The following PCDHA13 variants were observed in gnomAD, a reference collection of about 807,000 sequenced individuals.
PCDHA13 encodes protocadherin alpha-13.
In PCDHA13, 54 loss-of-function variants were observed where a neutral mutation model predicts 64.8. That is an observed-to-expected ratio of 0.83 (90% confidence interval 0.67 to 1.04). The LOEUF (loss-of-function observed/expected upper bound fraction) is 1.04. Ranked by LOEUF, PCDHA13 falls within the 50% of genes least tolerant of loss-of-function variation. The probability of loss-of-function intolerance (pLI) is 0.00; values close to 1 mark genes in which losing one functional copy is unlikely to be tolerated. For synonymous variants in PCDHA13, 587 were observed against 564.4 expected, an observed-to-expected ratio of 1.04 and a Z score of -0.57; for missense variants, 1,248 against 1,254.3, an observed-to-expected ratio of 0.99 and a Z score of 0.08.
chr5:140,917,039 A>G (rs1279228933), intron 1 of PCDHA13, among the ~76,000 whole-genome samples: 1 of 152,132 alleles, frequency 6.6e-6, no homozygotes, highest in African/African-American at 2.4e-5. Flanking sequence ...TGAGTCCAGC[A>G]CAGTGTTGTT....
chr5:140,988,751 T>C (rs1433769306), intron 3 of PCDHA13, among the ~76,000 whole-genome samples: 2 of 152,198 alleles, frequency 1.3e-5, no homozygotes, highest in Non-Finnish European at 2.9e-5. Flanking sequence ...ATTGGTGGCC[T>C]GGGCAGAATA....
intron 1 of PCDHA13, among the ~76,000 whole-genome samples, chr5:140,946,338 A>T (rs1042874038): frequency 6.6e-6 from 1 of 151,824 alleles, no homozygotes; most frequent in Non-Finnish European, 1.5e-5. Flanking sequence ...ATAACAAGTG[A>T]TGGAGAGGAT....
chr5:140,909,575 G>A (rs114329297), intron 1 of PCDHA13, among the ~76,000 whole-genome samples: 373 of 152,290 alleles, frequency 2.4e-3, no homozygotes, highest in African/African-American at 8.5e-3. Context: ...CCAGAGATGT[G>A]ATATGTTTTT....
intron 1 of PCDHA13, among the ~76,000 whole-genome samples, chr5:140,897,322 A>C (rs1407696399): frequency 7.4e-6 from 1 of 134,448 alleles, no homozygotes; most frequent in Non-Finnish European, 1.6e-5. Context: ...TCCTAAAGCT[A>C]TCCCTCCCCC....
intron 1 of PCDHA13, among the ~76,000 whole-genome samples, chr5:140,964,473 T>C (rs1457345251): frequency 6.6e-6 from 1 of 152,068 alleles, no homozygotes; most frequent in Non-Finnish European, 1.5e-5. Flanking sequence ...TGCCTATGAT[T>C]TTTTCACAGT....
At chr5:140,904,949 T>A (rs2071498656) in intron 1 of PCDHA13, among the ~76,000 whole-genome samples, 1 of 152,228 alleles carries the variant, frequency 6.6e-6, no homozygotes, top group South Asian at 2.1e-4. Flanking sequence ...TAGTCCTTTG[T>A]CTGATGCAGA....
chr5:140,913,670 A>G (rs2076427033), intron 1 of PCDHA13, among the ~76,000 whole-genome samples: 1 of 152,090 alleles, frequency 6.6e-6, no homozygotes, highest in Non-Finnish European at 1.5e-5. Flanking sequence ...TAGTTAGGTT[A>G]TTTAAAATGA....
At chr5:140,968,494 C>T in intron 1 of PCDHA13, 1 of 1,614,096 alleles carries the variant, frequency 6.2e-7, no homozygotes, top group Non-Finnish European at 8.5e-7. Flanking sequence ...ATGACCATGC[C>T]CCTCACATTC....
intron 1 of PCDHA13, among the ~76,000 whole-genome samples, chr5:140,954,134 A>G (rs1443838127): frequency 6.6e-6 from 1 of 152,194 alleles, no homozygotes; most frequent in Non-Finnish European, 1.5e-5. Flanking sequence ...TTATGGATGC[A>G]TAGTATTCCA....
At chr5:140,941,214 C>CCTTTCTTTCTTCCTTTCTTT (rs2092876516) in intron 1 of PCDHA13, among the ~76,000 whole-genome samples, 18 of 122,412 alleles carry the variant, frequency 1.5e-4, no homozygotes, top group Non-Finnish European at 2.9e-4. Context: ...TTTCTTTCTT[C>CCTTTCTTTCTTCCTTTCTTT]CTTTCTTTCT....
intron 1 of PCDHA13, among the ~76,000 whole-genome samples, chr5:140,910,488 A>G (rs1195141583): frequency 2.0e-5 from 3 of 152,232 alleles, no homozygotes; most frequent in African/African-American, 7.2e-5. Flanking sequence ...CATACAGAGA[A>G]GAGCAATCAC....
chr5:140,898,079 C>G (rs1179252797), intron 1 of PCDHA13, among the ~76,000 whole-genome samples: 2 of 151,984 alleles, frequency 1.3e-5, no homozygotes, highest in East Asian at 1.9e-4. Context: ...ATTGTAGATT[C>G]TGGATATTAG....
At chr5:140,946,219 G>A (rs2093905754) in intron 1 of PCDHA13, among the ~76,000 whole-genome samples, 1 of 151,856 alleles carries the variant, frequency 6.6e-6, no homozygotes, top group Non-Finnish European at 1.5e-5. Context: ...TGACCAACAG[G>A]TATACTAAAA....
At chr5:140,889,159 A>G (rs1392016642) in intron 1 of PCDHA13, among the ~76,000 whole-genome samples, 1 of 151,652 alleles carries the variant, frequency 6.6e-6, no homozygotes, top group Non-Finnish European at 1.5e-5. Context: ...CTTCTTTGTT[A>G]AGTATTCAAG....
At chr5:140,919,674 G>C (rs1554199207) in intron 1 of PCDHA13, among the ~76,000 whole-genome samples, 1 of 151,886 alleles carries the variant, frequency 6.6e-6, no homozygotes, top group Non-Finnish European at 1.5e-5. Context: ...TTAGCTTATT[G>C]GTATCTGCTT....
intron 1 of PCDHA13, among the ~76,000 whole-genome samples, chr5:140,906,844 G>C (rs1295549477): frequency 6.6e-6 from 1 of 152,192 alleles, no homozygotes; most frequent in Non-Finnish European, 1.5e-5. Context: ...TTCATCTTGA[G>C]AGTCTGGGTC....
intron 1 of PCDHA13, among the ~76,000 whole-genome samples, chr5:140,922,795 G>C (rs1393016233): frequency 7.9e-5 from 12 of 152,152 alleles, no homozygotes; most frequent in African/African-American, 2.9e-4. Context: ...TGTAGCTTTG[G>C]AATACAGAAA....
intron 1 of PCDHA13, among the ~76,000 whole-genome samples, chr5:140,941,247 CTTTCTTTCTCTT>C (rs1165264412): frequency 7.0e-5 from 9 of 128,506 alleles, no homozygotes; most frequent in African/African-American, 1.7e-4. Context: ...TTCTTTCTTT[CTTTCTTTCTCTT>C]TCTTTCTTTC....
intron 1 of PCDHA13, among the ~76,000 whole-genome samples, chr5:140,959,108 C>T (rs1299073504): frequency 1.3e-5 from 2 of 151,918 alleles, no homozygotes; most frequent in East Asian, 3.9e-4. Flanking sequence ...AGCAGGGGTC[C>T]GAAGGTGGGC....
Sources: gnomAD v4.1 joint callset for allele counts (sites outside exome capture counted in the v4.1 genomes callset) on GRCh38, gnomAD v4.1.1 for gene constraint, MANE v1.5 for transcripts, NCBI Gene and HGNC (gene_info 2026-07-23, HGNC 2026-07-21) for gene names.